Variants in RNGTT observed in about 807,000 individuals in gnomAD.
The protein encoded by RNGTT is mRNA-capping enzyme.
In RNGTT, 33 loss-of-function variants were observed where a neutral mutation model predicts 79.3. The observed-to-expected ratio is 0.42, with a 90% CI of 0.32 to 0.56. The LOEUF (loss-of-function observed/expected upper bound fraction) is 0.56. Ranked by LOEUF, RNGTT falls within the 20% of genes least tolerant of loss-of-function variation. The pLI is 0.17. For missense variants in RNGTT, 497 were observed against 739.1 expected (o/e 0.67, Z 3.80); for synonymous variants, 222 against 235.9 (o/e 0.94, Z 0.54).
intron 14 of RNGTT, among the ~76,000 whole-genome samples, chr6:88,653,806 T>C (rs966700924): frequency 6.6e-6 from 1 of 152,224 alleles, no homozygotes; most frequent in African/African-American, 2.4e-5. Context: ...AGTGCTTTCA[T>C]ATACCAGCAA....
At chr6:88,744,913 T>C (rs1275644847) in intron 13 of RNGTT, among the ~76,000 whole-genome samples, 1 of 152,234 alleles carries the variant, frequency 6.6e-6, no homozygotes, top group East Asian at 1.9e-4. Flanking sequence ...CATCAAATTA[T>C]GAATATTTTT....
At chr6:88,883,455 C>T (rs1461889918) in intron 8 of RNGTT, among the ~76,000 whole-genome samples, 1 of 152,044 alleles carries the variant, frequency 6.6e-6, no homozygotes, top group Non-Finnish European at 1.5e-5. Flanking sequence ...ATATTAACAC[C>T]CAGTACACAG....
In RNGTT at chr6:88,945,815, T is replaced by C. The variant is rs564581495; in HGVS notation, c.65-4635A>G. On this transcript the variant is annotated intron_variant, in intron 1 of 15. Coordinates refer to ENST00000369485, the MANE Select transcript of RNGTT (RefSeq NM_003800.5). ...GCTATACGACTACCAAGCCTGGCCATAAAACCCCCTGAGAGATCACCCATG... is the reference window on the plus strand; with the variant it reads ...GCTATACGACTACCAAGCCTGGCCACAAAACCCCCTGAGAGATCACCCATG... Among the ~76,000 whole-genome samples, 88 of 152,290 alleles carry C rather than the reference T, an allele frequency of 5.8e-4. 1 individual carries two copies. Among genetic ancestry groups the C allele is most frequent in the South Asian group, 3.9e-3 (19 of 4,828 alleles).
At chr6:88,777,649 T>C (rs1490733891) in intron 12 of RNGTT, among the ~76,000 whole-genome samples, 1 of 152,228 alleles carries the variant, frequency 6.6e-6, no homozygotes, top group Admixed American at 6.5e-5. Context: ...GATTTCTGTA[T>C]GTTAACTTTG....
intron 13 of RNGTT, among the ~76,000 whole-genome samples, chr6:88,733,312 C>G (rs748648783): frequency 2.6e-5 from 4 of 151,976 alleles, no homozygotes; most frequent in Non-Finnish European, 5.9e-5. Flanking sequence ...TGCAGTGAAC[C>G]TAATCTGTGC....
At chr6:88,842,302 A>C (rs1781318482) in intron 11 of RNGTT, among the ~76,000 whole-genome samples, 1 of 152,168 alleles carries the variant, frequency 6.6e-6, no homozygotes, top group Non-Finnish European at 1.5e-5. Flanking sequence ...GAAATAGTCA[A>C]TATGCAGTTT....
chr6:88,700,999 A>G (rs1775925474), intron 13 of RNGTT, among the ~76,000 whole-genome samples: 1 of 152,190 alleles, frequency 6.6e-6, no homozygotes, highest in Admixed American at 6.5e-5. Flanking sequence ...GGTTAATGAC[A>G]AACAAGAGTT....
chr6:88,834,823 C>T (rs1781009003), intron 11 of RNGTT, among the ~76,000 whole-genome samples: 2 of 149,484 alleles, frequency 1.3e-5, no homozygotes, highest in Non-Finnish European at 3.0e-5. Flanking sequence ...AAAAGCAATA[C>T]ATAGAAAATA....
rs530156042 is a variant in RNGTT at position 88,617,300 on chromosome 6, T to C, written c.1507-2905A>G. 2.6e-5 allele frequency among the ~76,000 whole-genome samples: 4 copies of C among 152,326 alleles called. No homozygotes were observed. The East Asian group carries it at 7.7e-4, about 29-fold the overall frequency. On this transcript the variant is annotated intron_variant, in intron 14 of 15. Coordinates refer to ENST00000369485, the MANE Select transcript of RNGTT (RefSeq NM_003800.5). ...AAAAGATTTCTCCTATGTTATCTTT[T>C]ACAAGTTTAATAGTTTAAGGTCTTA...
chr6:88,646,773 C>G (rs1773578955), intron 14 of RNGTT, among the ~76,000 whole-genome samples: 1 of 151,586 alleles, frequency 6.6e-6, no homozygotes, highest in Non-Finnish European at 1.5e-5. Context: ...TGTTCTCACT[C>G]ATAGCTGGGA....
At chr6:88,933,682 G>A (rs9344888) in intron 2 of RNGTT, among the ~76,000 whole-genome samples, 6,245 of 152,144 alleles carry the variant, frequency 0.041, 187 homozygotes, top group African/African-American at 0.076. Context: ...GTCTTTCTGT[G>A]TCTGGCTTAT....
At chr6:88,916,154 G>A (rs761526787) in intron 4 of RNGTT, among the ~76,000 whole-genome samples, 5 of 152,180 alleles carry the variant, frequency 3.3e-5, no homozygotes, top group Non-Finnish European at 7.3e-5. Flanking sequence ...CCCTCATACT[G>A]TGGTTTTACC....
intron 14 of RNGTT, among the ~76,000 whole-genome samples, chr6:88,654,141 C>T (rs1340195403): frequency 6.6e-6 from 1 of 152,200 alleles, no homozygotes; most frequent in Non-Finnish European, 1.5e-5. Flanking sequence ...GCTCTGTCAG[C>T]AACTTAATAG....
intron 13 of RNGTT, among the ~76,000 whole-genome samples, chr6:88,767,760 G>A (rs1778513855): frequency 6.7e-6 from 1 of 150,214 alleles, no homozygotes; most frequent in Admixed American, 6.6e-5. Flanking sequence ...ATAGTGAGAT[G>A]GTCTTCTGTA....
At chr6:88,826,799 A>AAATATATAT (rs1554221302) in intron 11 of RNGTT, among the ~76,000 whole-genome samples, 2 of 126,954 alleles carry the variant, frequency 1.6e-5, no homozygotes, top group African/African-American at 6.2e-5. Context: ...AAAAAAAAAA[A>AAATATATAT]ATATATATAT....
intron 13 of RNGTT, among the ~76,000 whole-genome samples, chr6:88,708,041 T>C (rs955916380): frequency 3.3e-5 from 5 of 151,980 alleles, no homozygotes; most frequent in Non-Finnish European, 2.9e-5. Context: ...TCTGCCAGTA[T>C]GCTTCTTTCT....
At chr6:88,765,612 A>G (rs1404062105) in intron 13 of RNGTT, among the ~76,000 whole-genome samples, 1 of 152,200 alleles carries the variant, frequency 6.6e-6, no homozygotes, top group Non-Finnish European at 1.5e-5. Context: ...CAAAATAAAC[A>G]TTATTCCTGT....
rs144765352 is a variant in RNGTT, at chr6:88,717,624, T to C, written c.1440-39205A>G. On this transcript the variant is annotated intron_variant, in intron 13 of 15. Coordinates refer to ENST00000369485, the MANE Select transcript of RNGTT (RefSeq NM_003800.5). ...TACTTTGGGTTTTCTTTTTGTCTCA[T>C]GTATTTCAGACTGGATACTGGAGAC... Among the ~76,000 whole-genome samples the C allele has an allele frequency of 5.5e-3, 840 of 152,292 alleles. 8 individuals carry two copies. Among genetic ancestry groups the C allele is most frequent in the African/African-American group, 0.017 (727 of 41,548 alleles).
chr6:88,892,620 T>C (rs573697625), intron 6 of RNGTT, among the ~76,000 whole-genome samples: 1 of 152,074 alleles, frequency 6.6e-6, no homozygotes, highest in South Asian at 2.1e-4. Context: ...ATCAAACAAA[T>C]AAGGAACCCT....
Sources: allele counts gnomAD v4.1 joint callset (sites outside exome capture counted in the v4.1 genomes callset), GRCh38; gene constraint gnomAD v4.1.1; transcripts MANE v1.5; gene names NCBI Gene and HGNC (gene_info 2026-07-23, HGNC 2026-07-21).